RABGAP1: variants seen among roughly 807,000 people sequenced by gnomAD.
The protein encoded by RABGAP1 is RAB GTPase activating protein 1.
In RABGAP1, 23 loss-of-function variants were observed where a neutral mutation model predicts 137.6. That is an observed-to-expected ratio of 0.17 (90% CI 0.12 to 0.24). RABGAP1 has a LOEUF of 0.24. Ranked by LOEUF, RABGAP1 falls within the 10% of genes least tolerant of loss-of-function variation. The pLI is 1.00. For synonymous variants in RABGAP1, 451 were observed against 450.7 expected, an observed-to-expected ratio of 1.00 and a Z score of -0.01; for missense variants, 906 against 1,275.8, an observed-to-expected ratio of 0.71 and a Z score of 4.42.
rs545404797 is a variant in RABGAP1, at chr9:122,974,835, A to AT, written c.151-9649dup. Among the ~76,000 whole-genome samples, 768 of 152,320 alleles carry AT rather than the reference A, an allele frequency of 5.0e-3. 7 individuals are homozygous for AT. The highest frequency in any genetic ancestry group is 0.018 in the African/African-American group (731 of 41,560). ...TTTGGTTCTTCCTTCATAGAGTAAG[A>AT]TAAAAAGACTGATAATCAGAACAGC... On this transcript the variant is annotated intron_variant, in intron 2 of 25. Coordinates refer to ENST00000373647, the MANE Select transcript of RABGAP1 (RefSeq NM_012197.4).
At chr9:122,950,602 C>T (rs1275390902) in intron 1 of RABGAP1, among the ~76,000 whole-genome samples, 1 of 152,034 alleles carries the variant, frequency 6.6e-6, no homozygotes, top group Non-Finnish European at 1.5e-5. Flanking sequence ...TTATAATTAC[C>T]TGTTTACTGG....
chr9:123,023,764 T>C (rs973472164), intron 13 of RABGAP1, among the ~76,000 whole-genome samples: 1 of 152,216 alleles, frequency 6.6e-6, no homozygotes, highest in Non-Finnish European at 1.5e-5. Flanking sequence ...ATTTAGACAA[T>C]ATTTGTGTAT....
At chr9:122,941,182 C>G (rs1358620143) in intron 1 of RABGAP1, 89 bp downstream of exon 1, 1 of 152,414 alleles carries the variant, frequency 6.6e-6, no homozygotes, top group Non-Finnish European at 1.5e-5. Context: ...GGGAGCCAAG[C>G]TGTCTTCTCA....
At chr9:123,020,133 C>T (rs2131925055) in intron 12 of RABGAP1, among the ~76,000 whole-genome samples, 176 bp from the exon 13 acceptor site, 1 of 151,888 alleles carries the variant, frequency 6.6e-6, no homozygotes, top group East Asian at 1.9e-4. Flanking sequence ...TTCTTCCACC[C>T]AATCTCTCTT....
At chr9:122,996,686 G>A in intron 8 of RABGAP1, 81 bp downstream of exon 8, 1 of 1,135,962 alleles carries the variant, frequency 8.8e-7, no homozygotes, top group Non-Finnish European at 1.3e-6. Context: ...TGAATCTAGT[G>A]TTAAAACATG....
chr9:122,939,576 AATTT>A (rs368046112), upstream of RABGAP1: 18 of 152,278 alleles, frequency 1.2e-4, no homozygotes, highest in East Asian at 3.1e-3. Context: ...TGTGTAGTAC[AATTT>A]TATTTAAAAA....
chr9:122,935,414 T>C, the RABGAP1 span, among the ~76,000 whole-genome samples: 1 of 152,156 alleles, frequency 6.6e-6, no homozygotes, highest in South Asian at 2.1e-4. Context: ...CTCAGCTCAC[T>C]GCAACCTCTG....
intron 20 of RABGAP1, 39 bp from the exon 21 acceptor site, chr9:123,090,235 AT>A (rs1419694084): frequency 1.3e-6 from 2 of 1,486,840 alleles, no homozygotes; most frequent in South Asian, 2.5e-5. Context: ...TTTCCATCTG[AT>A]TTTTATGTGT....
chr9:123,068,759 T>G (rs2034262948), intron 14 of RABGAP1, among the ~76,000 whole-genome samples: 1 of 152,238 alleles, frequency 6.6e-6, no homozygotes, highest in Non-Finnish European at 1.5e-5. Flanking sequence ...TAATGCGTGA[T>G]CATAATGTAT....
At position 123,020,421 on chromosome 9, in the gene RABGAP1, G is replaced by A. The variant is rs1178707382; in HGVS notation, c.1756G>A (p.Asp586Asn). The A allele has an allele frequency of 6.2e-7, 1 of 1,606,050 alleles. No individual in the cohort carries two copies. The highest frequency in any genetic ancestry group is 2.2e-5 in the East Asian group (1 of 44,648). Residue 586 changes from aspartate (D) to asparagine (N), a missense_variant, in exon 13 of 26, where the codon GAC becomes AAC. By Grantham distance (23) the Asp-to-Asn change is conservative. Transcript: ENST00000373647. The part of the protein sequence containing the change: ...WQLLAGCHNN[D>N]HLVEKYRILI... ...GCTGCTAGCAGGCTGTCATAACAAT[G>A]ACCACCTGGTAGAGAAATACCGCAT... is the stretch of plus-strand genomic sequence containing the variant.
chr9:123,049,127 G>C (rs1039523619), intron 13 of RABGAP1, among the ~76,000 whole-genome samples: 1 of 152,150 alleles, frequency 6.6e-6, no homozygotes, highest in Admixed American at 6.5e-5. Flanking sequence ...CTATTTCAAC[G>C]TGTGGTATAG....
intron 10 of RABGAP1, among the ~76,000 whole-genome samples, chr9:123,005,314 A>G (rs888398126): frequency 3.3e-5 from 5 of 149,930 alleles, no homozygotes; most frequent in African/African-American, 1.2e-4. Context: ...TTTTTTTTGA[A>G]TATATAAAAT....
intron 1 of RABGAP1, chr9:122,946,120 A>C (rs1833935109): frequency 6.6e-6 from 1 of 152,162 alleles, no homozygotes; most frequent in Non-Finnish European, 1.5e-5. Flanking sequence ...AACTATCATG[A>C]AGGATAATAC....
chr9:122,946,899 T>C (rs1158342677), intron 1 of RABGAP1, among the ~76,000 whole-genome samples: 1 of 152,152 alleles, frequency 6.6e-6, no homozygotes, highest in Non-Finnish European at 1.5e-5. Flanking sequence ...ATTAGAAGTA[T>C]GAAGTATCAA....
chr9:122,990,769 C>CAAAAAAAA (rs869120702), intron 6 of RABGAP1: 1 of 15,912 alleles, frequency 6.3e-5, no homozygotes, highest in Non-Finnish European at 8.8e-5. Flanking sequence ...AACTCCGTCT[C>CAAAAAAAA]AAAAAAAAAA....
At chr9:123,074,219 T>G in intron 16 of RABGAP1, 66 bp from the exon 17 acceptor site, 18 of 1,577,044 alleles carry the variant, frequency 1.1e-5, no homozygotes, top group Non-Finnish European at 1.4e-5. Context: ...GGTAGATTTA[T>G]GAGCCTCCTT....
intron 12 of RABGAP1, among the ~76,000 whole-genome samples, chr9:123,019,903 T>G (rs2031505316): frequency 1.3e-5 from 2 of 152,132 alleles, no homozygotes; most frequent in East Asian, 3.9e-4. Context: ...AGGCTGCTCT[T>G]GAACTCCTGA....
chr9:122,967,422 A>G (rs1835219153), intron 2 of RABGAP1, among the ~76,000 whole-genome samples: 2 of 152,344 alleles, frequency 1.3e-5, no homozygotes, highest in Admixed American at 6.5e-5. Flanking sequence ...GGCAGGAATT[A>G]TTTAGTAAAA....
chr9:123,015,700 C>T (rs1186085719), intron 12 of RABGAP1, 64 bp downstream of exon 12: 2 of 1,149,802 alleles, frequency 1.7e-6, no homozygotes, highest in African/African-American at 3.1e-5. Context: ...AGAATCTTAC[C>T]TAACTATAAT....
Sources: allele counts gnomAD v4.1 joint callset (sites outside exome capture counted in the v4.1 genomes callset), GRCh38; gene constraint gnomAD v4.1.1; transcripts MANE v1.5; gene names NCBI Gene and HGNC (gene_info 2026-07-23, HGNC 2026-07-21).